The following GALNTL6 variants were observed in gnomAD, a reference collection of about 807,000 sequenced individuals.
GALNTL6 encodes the protein polypeptide N-acetylgalactosaminyltransferase like 6, also known as polypeptide N-acetylgalactosaminyltransferase-like 6.
GALNTL6 carries 46 observed loss-of-function variants against 73.7 expected under a neutral mutation model. That is an observed-to-expected ratio of 0.62 (90% confidence interval 0.49 to 0.80). The LOEUF (loss-of-function observed/expected upper bound fraction) is 0.80, where lower values mean the gene tolerates loss of function less well. Ranked by LOEUF, GALNTL6 falls within the 30% of genes least tolerant of loss-of-function variation. The pLI, the probability that GALNTL6 is intolerant of heterozygous loss-of-function variation, is 0.00. For missense variants in GALNTL6, 604 were observed against 755.0 expected (o/e 0.80, Z 2.34); for synonymous variants, 259 against 263.7 (o/e 0.98, Z 0.17).
At chr4:172,868,739 AAC>A (rs935276517) in intron 7 of GALNTL6, among the ~76,000 whole-genome samples, 1 of 152,246 alleles carries the variant, frequency 6.6e-6, no homozygotes, top group African/African-American at 2.4e-5. Flanking sequence ...GTATGAGAGT[AAC>A]ACTCTGTACT....
intron 2 of GALNTL6, among the ~76,000 whole-genome samples, chr4:171,965,473 A>C (rs1007034134): frequency 6.6e-6 from 1 of 151,864 alleles, no homozygotes; most frequent in Non-Finnish European, 1.5e-5. Context: ...TGGCTAATAC[A>C]GTGAAACCCC....
chr4:172,830,627 C>G (rs1742574880), intron 7 of GALNTL6, among the ~76,000 whole-genome samples: 1 of 152,190 alleles, frequency 6.6e-6, no homozygotes, highest in Admixed American at 6.5e-5. Flanking sequence ...TGAAATAAAC[C>G]CTAACTGTAA....
intron 2 of GALNTL6, among the ~76,000 whole-genome samples, chr4:172,041,941 T>C (rs1392978401): frequency 6.6e-6 from 1 of 152,102 alleles, no homozygotes; most frequent in Non-Finnish European, 1.5e-5. Context: ...AGATTCTTTC[T>C]CTTGGATTAC....
At chr4:172,859,699 C>T (rs1187048032) in intron 7 of GALNTL6, among the ~76,000 whole-genome samples, 3 of 152,118 alleles carry the variant, frequency 2.0e-5, no homozygotes, top group Admixed American at 6.5e-5. Context: ...GGCCAGCAAG[C>T]GAACAAAACT....
chr4:172,701,566 G>A (rs1484918946), intron 5 of GALNTL6, among the ~76,000 whole-genome samples: 1 of 152,084 alleles, frequency 6.6e-6, no homozygotes, highest in East Asian at 1.9e-4. Flanking sequence ...CTCTGATGGG[G>A]TGGGCTTTAG....
intron 2 of GALNTL6, among the ~76,000 whole-genome samples, chr4:172,025,399 G>A (rs1741535627): frequency 6.6e-6 from 1 of 151,900 alleles, no homozygotes; most frequent in Non-Finnish European, 1.5e-5. Flanking sequence ...AAAACTTCTA[G>A]TAGCAGTACA....
At chr4:172,325,349 C>A (rs1202675157) in intron 4 of GALNTL6, among the ~76,000 whole-genome samples, 1 of 151,906 alleles carries the variant, frequency 6.6e-6, no homozygotes, top group East Asian at 1.9e-4. Flanking sequence ...GACTACCAGG[C>A]AGGTTCTGAT....
At chr4:171,982,705 A>G (rs926377976) in intron 2 of GALNTL6, among the ~76,000 whole-genome samples, 17 of 152,188 alleles carry the variant, frequency 1.1e-4, no homozygotes, top group Non-Finnish European at 2.4e-4. Context: ...ATAGATTTCA[A>G]CATTTGACTT....
chr4:172,605,322 T>C (rs1738212233), intron 5 of GALNTL6, among the ~76,000 whole-genome samples: 1 of 152,182 alleles, frequency 6.6e-6, no homozygotes, highest in African/African-American at 2.4e-5. Flanking sequence ...CCCAAAAATC[T>C]TTATTAACTC....
intron 5 of GALNTL6, among the ~76,000 whole-genome samples, chr4:172,463,794 G>A (rs2111448315): frequency 6.6e-6 from 1 of 152,272 alleles, no homozygotes; most frequent in African/African-American, 2.4e-5. Flanking sequence ...TCATATGCAA[G>A]CAATCTGTGG....
At chr4:171,819,470 TA>T (rs1734626779) in intron 2 of GALNTL6, among the ~76,000 whole-genome samples, 1 of 152,170 alleles carries the variant, frequency 6.6e-6, no homozygotes, top group South Asian at 2.1e-4. Flanking sequence ...CTGAATCAAT[TA>T]GTTTCCTATA....
At chr4:172,091,433 A>T (rs1276693377) in intron 2 of GALNTL6, among the ~76,000 whole-genome samples, 1 of 152,176 alleles carries the variant, frequency 6.6e-6, no homozygotes, top group Non-Finnish European at 1.5e-5. Flanking sequence ...ATATCTTCAG[A>T]TTCCTGGGCC....
chr4:172,297,903 C>T (rs1739744585), intron 3 of GALNTL6, among the ~76,000 whole-genome samples: 1 of 152,108 alleles, frequency 6.6e-6, no homozygotes, highest in Non-Finnish European at 1.5e-5. Flanking sequence ...TCATTGGTAG[C>T]TTGATGGGGA....
chr4:172,866,890 T>A (rs946856806), intron 7 of GALNTL6, among the ~76,000 whole-genome samples: 3 of 152,090 alleles, frequency 2.0e-5, no homozygotes, highest in African/African-American at 7.2e-5. Context: ...ATCAAAAACT[T>A]AGTGCATTCT....
At chr4:172,185,395 C>T (rs1040508089) in intron 2 of GALNTL6, among the ~76,000 whole-genome samples, 3 of 152,142 alleles carry the variant, frequency 2.0e-5, no homozygotes, top group African/African-American at 7.2e-5. Context: ...GCTAAATGAT[C>T]GTTACACCAC....
In GALNTL6 at chr4:172,541,549, AAAAG is replaced by A. The variant is rs1253020192; in HGVS notation, c.553+192865_553+192868del. Among the ~76,000 whole-genome samples, 3 of 152,348 alleles carry A rather than the reference AAAAG, an allele frequency of 2.0e-5. No individual in the cohort carries two copies. The East Asian group carries it at 5.8e-4, about 29-fold the overall frequency. ...AGTTTATCAGAAAGCTTTACAGCAG[AAAAG>A]AAAGTAAGATAAACTTGGAAGAGGG... is the stretch of plus-strand genomic sequence containing the variant. On this transcript the variant is annotated intron_variant, in intron 5 of 12. Transcript: ENST00000506823.
chr4:172,072,132 T>C (rs569485757), intron 2 of GALNTL6, among the ~76,000 whole-genome samples: 2 of 152,270 alleles, frequency 1.3e-5, no homozygotes, highest in African/African-American at 2.4e-5. Context: ...ATACTTCCCC[T>C]ACTCCCCACT....
intron 2 of GALNTL6, among the ~76,000 whole-genome samples, chr4:172,193,929 T>C (rs1185734629): frequency 6.6e-6 from 1 of 152,106 alleles, no homozygotes; most frequent in South Asian, 2.1e-4. Context: ...AGAGTGCCTC[T>C]TCTCCAAATG....
At chr4:172,271,389 AC>A (rs1738644033) in intron 3 of GALNTL6, among the ~76,000 whole-genome samples, 1 of 152,182 alleles carries the variant, frequency 6.6e-6, no homozygotes. Flanking sequence ...TTTCATACAT[AC>A]ACACATACAT....
Sources: allele counts gnomAD v4.1 joint callset (sites outside exome capture counted in the v4.1 genomes callset), GRCh38; gene constraint gnomAD v4.1.1; transcripts MANE v1.5; gene names NCBI Gene and HGNC (gene_info 2026-07-23, HGNC 2026-07-21).